DMXL1: variants seen among roughly 807,000 people sequenced by gnomAD.
The protein encoded by DMXL1 is dmX-like protein 1.
In DMXL1, 99 loss-of-function variants were observed where a neutral mutation model predicts 319.2. That is an observed-to-expected ratio of 0.31 (90% CI 0.26 to 0.37). The LOEUF (loss-of-function observed/expected upper bound fraction) is 0.37. Ranked by LOEUF, DMXL1 falls within the 10% of genes least tolerant of loss-of-function variation. The pLI, the probability that DMXL1 is intolerant of heterozygous loss-of-function variation, is 1.00. For synonymous variants in DMXL1, 1,385 were observed against 1,235.2 expected, an observed-to-expected ratio of 1.12 and a Z score of -2.54; for missense variants, 3,745 against 3,595.6, an observed-to-expected ratio of 1.04 and a Z score of -1.06.
intron 38 of DMXL1, among the ~76,000 whole-genome samples, chr5:119,230,898 T>A (rs1410085733): frequency 6.6e-6 from 1 of 152,024 alleles, no homozygotes; most frequent in Non-Finnish European, 1.5e-5. Context: ...AATAAATAAA[T>A]AAATAAATAG....
chr5:119,234,535 T>C (rs1787369803), intron 39 of DMXL1, among the ~76,000 whole-genome samples: 1 of 152,192 alleles, frequency 6.6e-6, no homozygotes, highest in Middle Eastern at 3.2e-3. Context: ...TTCACAAAAG[T>C]AGTTTTATGT....
At chr5:119,226,013 G>A (rs1785485246) in intron 38 of DMXL1, among the ~76,000 whole-genome samples, 1 of 151,996 alleles carries the variant, frequency 6.6e-6, no homozygotes, top group Admixed American at 6.6e-5. Flanking sequence ...GATACTGAAG[G>A]GACTTCATTT....
intron 25 of DMXL1, among the ~76,000 whole-genome samples, chr5:119,172,471 T>G (rs1487352289): frequency 6.6e-6 from 1 of 152,202 alleles, no homozygotes; most frequent in African/African-American, 2.4e-5. Context: ...GTTAAAAGTC[T>G]GGATTCTCAA....
At chr5:119,225,224 T>C (rs1195698119) in intron 38 of DMXL1, among the ~76,000 whole-genome samples, 2 of 152,036 alleles carry the variant, frequency 1.3e-5, no homozygotes, top group African/African-American at 4.8e-5. Context: ...TTTTATTACT[T>C]TTTTTCAGTT....
chr5:119,122,142 C>T (rs1762252530), intron 9 of DMXL1, among the ~76,000 whole-genome samples: 2 of 135,302 alleles, frequency 1.5e-5, no homozygotes, highest in African/African-American at 2.8e-5. Flanking sequence ...GGGGGCTGAC[C>T]CCCCCACCTC....
Position 119,197,738 on chromosome 5 carries a change from C to A in DMXL1, c.7544-17C>A. The A allele has an allele frequency of 6.2e-7, 1 of 1,611,666 alleles. No individual in the cohort carries two copies. Among genetic ancestry groups the A allele is most frequent in the South Asian group, 1.1e-5 (1 of 90,988 alleles). ...TTTACTGCATAAGATTAATATGAGTCAATGTTCCCATTTTAGAGCTTCCAG... is the reference window on the plus strand; with the variant it reads ...TTTACTGCATAAGATTAATATGAGTAAATGTTCCCATTTTAGAGCTTCCAG... On this transcript the variant is annotated splice_polypyrimidine_tract_variant and intron_variant, in intron 31 of 43. Coordinates refer to ENST00000539542, the MANE Select transcript of DMXL1 (RefSeq NM_001290321.3).
At chr5:119,129,948 TG>T (rs769600349) in intron 10 of DMXL1, among the ~76,000 whole-genome samples, 103 of 152,356 alleles carry the variant, frequency 6.8e-4, no homozygotes, top group Non-Finnish European at 1.1e-3. Flanking sequence ...GTCATTCAGC[TG>T]GCAAGAACAT....
At chr5:119,237,124 C>T (rs906377672) in intron 39 of DMXL1, 198 bp from the exon 40 acceptor site, 12 of 339,776 alleles carry the variant, frequency 3.5e-5, no homozygotes, top group Admixed American at 2.6e-4. Context: ...TGTTTGTTCT[C>T]TTTATGTTCA....
At chr5:119,102,515 A>G (rs746700557) in intron 3 of DMXL1, among the ~76,000 whole-genome samples, 2 of 152,346 alleles carry the variant, frequency 1.3e-5, no homozygotes, top group African/African-American at 2.4e-5. Flanking sequence ...TAAATATTCG[A>G]ATCATGTTAG....
intron 7 of DMXL1, among the ~76,000 whole-genome samples, chr5:119,117,736 A>T (rs979027166): frequency 6.6e-6 from 1 of 152,134 alleles, no homozygotes; most frequent in South Asian, 2.1e-4. Context: ...CGCCAGAGGG[A>T]GAGAGATGCA....
At position 119,244,528 on chromosome 5, in the gene DMXL1, T is replaced by A. The variant is rs757956540; in HGVS notation, c.8874T>A (p.Asp2958Glu). The stretch of plus-strand genomic sequence containing the variant: ...CTCCTGTTAAAGCCGTTGCTGTTGA[T>A]CCAACTGAAGAGTACTTTGTTACAG... Reference protein sequence around the residue: ...HDSPVKAVAVDPTEEYFVTGS... With the variant: ...HDSPVKAVAVEPTEEYFVTGS... The change falls in exon 43 of 44, where the codon GAT (aspartate) becomes GAA (glutamate). Residue 2958 changes from aspartate to glutamate, a missense_variant. Around this residue, in one of 4 missense-constraint regions of DMXL1, gnomAD observed 262 missense variants for 320.5 expected, o/e 0.82. Coordinates refer to ENST00000539542, the MANE Select transcript of DMXL1 (RefSeq NM_001290321.3). 1 of 1,614,190 alleles carries A rather than the reference T, an allele frequency of 6.2e-7. No homozygotes were observed. The highest frequency in any genetic ancestry group is 1.7e-5 in the Admixed American group (1 of 60,024).
At chr5:119,137,924 G>A (rs774170631) in intron 13 of DMXL1, among the ~76,000 whole-genome samples, 3 of 152,122 alleles carry the variant, frequency 2.0e-5, no homozygotes, top group Non-Finnish European at 2.9e-5. Flanking sequence ...GGATAAAGTC[G>A]GAAAGTTAGC....
intron 42 of DMXL1, 106 bp downstream of exon 42, chr5:119,240,577 A>G (rs569735349): frequency 5.3e-5 from 45 of 842,900 alleles, no homozygotes; most frequent in Admixed American, 4.8e-5. Context: ...TTATTAACCC[A>G]TGAGATTTCT....
chr5:119,130,429 A>G (rs568684203), intron 10 of DMXL1, among the ~76,000 whole-genome samples: 85 of 151,036 alleles, frequency 5.6e-4, no homozygotes, highest in Non-Finnish European at 1.0e-3. Flanking sequence ...TGCAGCCTCC[A>G]CCTCCCGGGT....
At chr5:119,145,439 C>T (rs1768303874) in intron 15 of DMXL1, among the ~76,000 whole-genome samples, 1 of 151,726 alleles carries the variant, frequency 6.6e-6, no homozygotes, top group Non-Finnish European at 1.5e-5. Flanking sequence ...TGTGCAAATA[C>T]ACTTTATGTG....
intron 8 of DMXL1, among the ~76,000 whole-genome samples, chr5:119,120,536 A>T (rs1227821697): frequency 6.6e-6 from 1 of 152,268 alleles, no homozygotes; most frequent in African/African-American, 2.4e-5. Context: ...AATGCTTTGT[A>T]AATTATGAAA....
chr5:119,222,504 A>C (rs1784817575), intron 37 of DMXL1, among the ~76,000 whole-genome samples: 1 of 152,194 alleles, frequency 6.6e-6, no homozygotes, highest in African/African-American at 2.4e-5. Flanking sequence ...CAAAGGGAAT[A>C]TATGCCAAAG....
chr5:119,131,648 A>G (rs998472206), intron 10 of DMXL1, among the ~76,000 whole-genome samples: 2 of 152,224 alleles, frequency 1.3e-5, no homozygotes, highest in African/African-American at 4.8e-5. Flanking sequence ...ACTAAAGGTT[A>G]ACTGAGTGGT....
At chr5:119,194,782 T>C (rs1440727388) in intron 30 of DMXL1, among the ~76,000 whole-genome samples, 1 of 152,134 alleles carries the variant, frequency 6.6e-6, no homozygotes, top group Admixed American at 6.5e-5. Flanking sequence ...GGGCTGGGCA[T>C]GGTGGCCTAT....
Sources: gnomAD v4.1 joint callset for allele counts (sites outside exome capture counted in the v4.1 genomes callset) on GRCh38, gnomAD v4.1.1 for gene constraint, gnomAD v4.1.1 regional missense constraint, MANE v1.5 for transcripts, NCBI Gene and HGNC (gene_info 2026-07-23, HGNC 2026-07-21) for gene names.